The following KCNIP1 variants were observed in gnomAD, a reference collection of about 807,000 sequenced individuals.
KCNIP1 encodes A-type potassium channel modulatory protein KCNIP1.
A neutral mutation model predicts 33.0 loss-of-function variants in KCNIP1; 18 were observed. That is an observed-to-expected ratio of 0.55 (90% CI 0.38 to 0.81). KCNIP1 has a LOEUF of 0.81. Ranked by LOEUF, KCNIP1 falls within the 30% of genes least tolerant of loss-of-function variation. The probability of loss-of-function intolerance (pLI) is 0.00; values close to 1 mark genes in which losing one functional copy is unlikely to be tolerated. For missense variants in KCNIP1, 238 were observed against 271.6 expected, an observed-to-expected ratio of 0.88 and a Z score of 0.87; for synonymous variants, 93 against 98.3, an observed-to-expected ratio of 0.95 and a Z score of 0.32.
At chr5:170,605,442 T>C (rs1251378430) in intron 1 of KCNIP1, among the ~76,000 whole-genome samples, 1 of 152,238 alleles carries the variant, frequency 6.6e-6, no homozygotes, top group Non-Finnish European at 1.5e-5. Flanking sequence ...ACATAAAATG[T>C]ACTATTTTAA....
chr5:170,594,339 ATGTCTG>A (rs1758368369), intron 1 of KCNIP1, among the ~76,000 whole-genome samples: 1 of 152,030 alleles, frequency 6.6e-6, no homozygotes, highest in Non-Finnish European at 1.5e-5. Context: ...CATCTTGGGT[ATGTCTG>A]TCCTCACCTT....
intron 1 of KCNIP1, among the ~76,000 whole-genome samples, chr5:170,576,285 G>A (rs1757602349): frequency 6.6e-6 from 1 of 152,212 alleles, no homozygotes; most frequent in Non-Finnish European, 1.5e-5. Context: ...CCTCAGGGCA[G>A]TCAGAATGTG....
At chr5:170,454,870 TA>T (rs1308114014) in intron 1 of KCNIP1, among the ~76,000 whole-genome samples, 3 of 152,102 alleles carry the variant, frequency 2.0e-5, no homozygotes, top group African/African-American at 4.8e-5. Context: ...CAATGAAGGT[TA>T]AAAAAATATT....
At chr5:170,458,820 A>G (rs1756446288) in intron 1 of KCNIP1, among the ~76,000 whole-genome samples, 2 of 152,158 alleles carry the variant, frequency 1.3e-5, no homozygotes, top group African/African-American at 4.8e-5. Context: ...AGGTATACGG[A>G]CAACAAATAG....
intron 1 of KCNIP1, among the ~76,000 whole-genome samples, chr5:170,549,563 C>T (rs2113407496): frequency 6.6e-6 from 1 of 152,330 alleles, no homozygotes; most frequent in Non-Finnish European, 1.5e-5. Flanking sequence ...ATGATGATAG[C>T]AGGTTTACTG....
intron 1 of KCNIP1, among the ~76,000 whole-genome samples, chr5:170,525,361 T>C (rs977260661): frequency 2.6e-5 from 4 of 152,230 alleles, no homozygotes; most frequent in East Asian, 1.9e-4. Context: ...ACCTGCCCCA[T>C]AGAGTTGTGT....
intron 1 of KCNIP1, among the ~76,000 whole-genome samples, chr5:170,392,562 C>G (rs1754631537): frequency 6.6e-6 from 1 of 152,180 alleles, no homozygotes; most frequent in African/African-American, 2.4e-5. Context: ...GTGGCTCATG[C>G]CTGTAATCCT....
chr5:170,377,190 T>G (rs1581124047), intron 1 of KCNIP1: 4 of 152,252 alleles, frequency 2.6e-5, no homozygotes, highest in African/African-American at 9.6e-5. Context: ...GGACGCTCAC[T>G]TCCTACACCG....
chr5:170,551,880 A>G (rs1756652718), intron 1 of KCNIP1, among the ~76,000 whole-genome samples: 1 of 148,226 alleles, frequency 6.7e-6, no homozygotes, highest in African/African-American at 2.5e-5. Context: ...GTGTGTGTGT[A>G]TATGAATGTG....
intron 1 of KCNIP1, among the ~76,000 whole-genome samples, chr5:170,695,059 C>T (rs1481945409): frequency 6.6e-6 from 1 of 152,164 alleles, no homozygotes; most frequent in Non-Finnish European, 1.5e-5. Flanking sequence ...TGTGACACAG[C>T]TCTCTCCAGC....
At chr5:170,543,742 G>A (rs1275148228) in intron 1 of KCNIP1, among the ~76,000 whole-genome samples, 1 of 152,198 alleles carries the variant, frequency 6.6e-6, no homozygotes, top group Non-Finnish European at 1.5e-5. Flanking sequence ...TTGCTAACTA[G>A]TTTAACTCTG....
intron 1 of KCNIP1, among the ~76,000 whole-genome samples, chr5:170,452,195 C>T (rs1273888496): frequency 6.6e-6 from 1 of 152,174 alleles, no homozygotes; most frequent in Non-Finnish European, 1.5e-5. Context: ...TGCATCACCT[C>T]TGACAGTGGT....
At chr5:170,363,361 G>A (rs1456494614) in intron 1 of KCNIP1, among the ~76,000 whole-genome samples, 1 of 152,188 alleles carries the variant, frequency 6.6e-6, no homozygotes, top group Non-Finnish European at 1.5e-5. Context: ...ATAGGGCCTT[G>A]ATGCAGGAGA....
intron 1 of KCNIP1, among the ~76,000 whole-genome samples, chr5:170,530,763 A>G (rs1755758717): frequency 6.6e-6 from 1 of 152,198 alleles, no homozygotes; most frequent in Admixed American, 6.5e-5. Context: ...GGTCCACCTG[A>G]GGATGTGGAT....
At chr5:170,498,897 G>A (rs1389738911) in intron 1 of KCNIP1, among the ~76,000 whole-genome samples, 2 of 152,124 alleles carry the variant, frequency 1.3e-5, no homozygotes, top group Admixed American at 1.3e-4. Context: ...ACATGGGACT[G>A]GGTTCATATG....
intron 1 of KCNIP1, among the ~76,000 whole-genome samples, chr5:170,545,193 C>G (rs113192891): frequency 7.9e-4 from 121 of 152,264 alleles, no homozygotes; most frequent in African/African-American, 2.8e-3. Flanking sequence ...CTTACTTTAG[C>G]ATTTTAAAGA....
chr5:170,620,982 G>A (rs957830068), intron 1 of KCNIP1, among the ~76,000 whole-genome samples: 4 of 152,238 alleles, frequency 2.6e-5, no homozygotes, highest in Admixed American at 2.0e-4. Context: ...TGTGTTAGAG[G>A]TGTCCATCAC....
At chr5:170,571,182 TC>T (rs1405435747) in intron 1 of KCNIP1, among the ~76,000 whole-genome samples, 1 of 152,126 alleles carries the variant, frequency 6.6e-6, no homozygotes, top group Non-Finnish European at 1.5e-5. Context: ...TCCTCCCTCT[TC>T]CCCCACATTG....
At chr5:170,588,158 C>A (rs1490069792) in intron 1 of KCNIP1, among the ~76,000 whole-genome samples, 1 of 152,114 alleles carries the variant, frequency 6.6e-6, no homozygotes, top group African/African-American at 2.4e-5. Flanking sequence ...GGGAGGTACC[C>A]AAGAAAGCAA....
Sources: gnomAD v4.1 joint callset for allele counts (sites outside exome capture counted in the v4.1 genomes callset) on GRCh38, gnomAD v4.1.1 for gene constraint, MANE v1.5 for transcripts, NCBI Gene and HGNC (gene_info 2026-07-23, HGNC 2026-07-21) for gene names.